RAB31: variants seen among roughly 807,000 people sequenced by gnomAD.
RAB31 encodes RAB31, member RAS oncogene family.
Under a neutral mutation model 25.6 loss-of-function variants are expected in RAB31, and 21 were observed. The ratio of observed to expected loss-of-function variants is 0.82; its 90% CI spans 0.58 to 1.18. The LOEUF is 1.18. RAB31 is among the 50% of genes most tolerant of loss of function. The pLI, the probability that RAB31 is intolerant of heterozygous loss-of-function variation, is 0.00. For missense variants in RAB31, 196 were observed against 250.1 expected (o/e 0.78, Z 1.46); for synonymous variants, 87 against 84.0 (o/e 1.04, Z -0.20).
At chr18:9,853,853 T>A (rs1599068606) in intron 6 of RAB31, among the ~76,000 whole-genome samples, 1 of 149,554 alleles carries the variant, frequency 6.7e-6, no homozygotes, top group African/African-American at 2.5e-5. Context: ...GCTCAAAAAA[T>A]AAATAAATAA....
At chr18:9,730,391 A>G (rs2068117000) in intron 1 of RAB31, among the ~76,000 whole-genome samples, 1 of 151,488 alleles carries the variant, frequency 6.6e-6, no homozygotes, top group East Asian at 1.9e-4. Flanking sequence ...GGCTCAGACA[A>G]TTCTCCCGTC....
At chr18:9,802,641 C>T (rs1288754260) in intron 3 of RAB31, among the ~76,000 whole-genome samples, 3 of 152,236 alleles carry the variant, frequency 2.0e-5, no homozygotes, top group African/African-American at 7.2e-5. Context: ...TTCAGCCATA[C>T]CGCTTGTTCA....
At chr18:9,834,068 C>A (rs1276293261) in intron 5 of RAB31, among the ~76,000 whole-genome samples, 1 of 152,144 alleles carries the variant, frequency 6.6e-6, no homozygotes, top group Non-Finnish European at 1.5e-5. Context: ...ACACATTGAA[C>A]AAATTATATA....
Position 9,708,330 on chromosome 18 carries a change from A to C in RAB31, c.-76A>C. On this transcript the variant is annotated 5_prime_UTR_variant, in exon 1 of 7. Coordinates refer to ENST00000578921, the MANE Select transcript of RAB31 (RefSeq NM_006868.4). The surrounding 1 kb of genome is among the most constrained non-coding windows in gnomAD (Gnocchi z 6.4). ...GCGGCGCGAGCGAGGGGCAGAGGCGAGAGACGCCGGCGGGGCGCGGGCGCG... is the reference window on the plus strand; with the variant it reads ...GCGGCGCGAGCGAGGGGCAGAGGCGCGAGACGCCGGCGGGGCGCGGGCGCG... 8.2e-7 allele frequency: 1 copy of C among 1,213,450 alleles called. No individual in the cohort carries two copies. The highest frequency in any genetic ancestry group is 1.1e-6 in the Non-Finnish European group (1 of 909,008). 75.2% of individuals were successfully genotyped at this position (1,213,450 alleles called of 1,614,324 possible). A position where few individuals can be genotyped will look rare whatever the true frequency, so the allele number is the denominator to read the frequency against.
At chr18:9,852,111 T>TA (rs2068792187) in intron 6 of RAB31, among the ~76,000 whole-genome samples, 1 of 152,158 alleles carries the variant, frequency 6.6e-6, no homozygotes, top group Non-Finnish European at 1.5e-5. Context: ...ATTTCAAACA[T>TA]ATACACAAGT....
intron 6 of RAB31, among the ~76,000 whole-genome samples, chr18:9,850,739 A>G (rs2068785089): frequency 6.6e-6 from 1 of 152,158 alleles, no homozygotes; most frequent in African/African-American, 2.4e-5. Context: ...GGCGGTGTGC[A>G]CCTGTAGTCC....
chr18:9,773,835 T>G lies in RAB31; in HGVS notation c.40-1443T>G, dbSNP rs2068358121. Among the ~76,000 whole-genome samples the G allele has an allele frequency of 2.0e-5, 3 of 152,020 alleles. No individual in the cohort carries two copies. In the South Asian group the frequency reaches 6.2e-4, roughly 32 times the overall value. ...CGCCACACCCGGCTAATTTTTACAT[T>G]TTTTTGTAGAGTCAGGGGTCTTGCT... is the stretch of plus-strand genomic sequence containing the variant. On this transcript the variant is annotated intron_variant, in intron 1 of 6. Coordinates refer to ENST00000578921, the MANE Select transcript of RAB31 (RefSeq NM_006868.4).
chr18:9,854,437 C>T (rs1439253845), intron 6 of RAB31, among the ~76,000 whole-genome samples: 3 of 152,168 alleles, frequency 2.0e-5, no homozygotes, highest in East Asian at 3.9e-4. Flanking sequence ...TTGACTCTCC[C>T]GCCTCCAGGC....
At chr18:9,849,146 G>A (rs1256243142) in intron 6 of RAB31, among the ~76,000 whole-genome samples, 1 of 151,430 alleles carries the variant, frequency 6.6e-6, no homozygotes, top group Non-Finnish European at 1.5e-5. Flanking sequence ...TTTTTCCTTG[G>A]GTTCTTACAC....
intron 1 of RAB31, among the ~76,000 whole-genome samples, chr18:9,767,798 C>T (rs754279479): frequency 1.3e-5 from 2 of 152,032 alleles, no homozygotes; most frequent in South Asian, 2.1e-4. Flanking sequence ...AATACACGTG[C>T]CATGGTGGTT....
At chr18:9,764,487 A>G (rs760025509) in intron 1 of RAB31, among the ~76,000 whole-genome samples, 1 of 152,128 alleles carries the variant, frequency 6.6e-6, no homozygotes, top group South Asian at 2.1e-4. Flanking sequence ...GGGAGAATCC[A>G]TGTTTTCCTT....
intron 6 of RAB31, among the ~76,000 whole-genome samples, chr18:9,852,651 A>AT: frequency 6.6e-6 from 1 of 151,372 alleles, no homozygotes; most frequent in East Asian, 1.9e-4. Flanking sequence ...TTATTAATCT[A>AT]TTCACCTAGC....
At chr18:9,832,186 G>T (rs780273898) in intron 5 of RAB31, among the ~76,000 whole-genome samples, 3 of 152,200 alleles carry the variant, frequency 2.0e-5, no homozygotes, top group African/African-American at 7.2e-5. Flanking sequence ...TGAGGTCCAC[G>T]GAAAGGCCAG....
Position 9,753,811 on chromosome 18 carries a change from C to G in RAB31, c.40-21467C>G, listed in dbSNP as rs573389141. Among the ~76,000 whole-genome samples the G allele has an allele frequency of 3.9e-5, 6 of 152,232 alleles. 1 individual carries two copies. The highest frequency in any genetic ancestry group is 1.4e-4 in the African/African-American group (6 of 41,562). The stretch of plus-strand genomic sequence containing the variant: ...TGTAAAATGGGAACGATGATACCTC[C>G]CAGAGTCATCAGAAGATCAAATACA... On this transcript the variant is annotated intron_variant, in intron 1 of 6. Transcript: ENST00000578921.
intron 1 of RAB31, among the ~76,000 whole-genome samples, chr18:9,770,780 A>C (rs551494663): frequency 6.6e-6 from 1 of 151,786 alleles, no homozygotes; most frequent in Non-Finnish European, 1.5e-5. Context: ...CTGTCAGGCT[A>C]TGAGTAACTT....
chr18:9,818,245 C>G (rs2068608795), intron 5 of RAB31, among the ~76,000 whole-genome samples: 1 of 152,124 alleles, frequency 6.6e-6, no homozygotes, highest in East Asian at 1.9e-4. Context: ...TCACGGTCAC[C>G]TGTTTTAAGT....
chr18:9,773,701 C>T (rs1252122502), intron 1 of RAB31, among the ~76,000 whole-genome samples: 1 of 152,046 alleles, frequency 6.6e-6, no homozygotes, highest in Non-Finnish European at 1.5e-5. Context: ...ACTCTGTCAC[C>T]CAGGCTGAGT....
At position 9,708,451 on chromosome 18, in the gene RAB31, C is replaced by G; in HGVS notation, c.39+7C>G. 1 of 1,563,384 alleles carries G rather than the reference C, an allele frequency of 6.4e-7. No homozygotes were observed. ...CAAAGTGTGCCTTCTCGGGGTGAGTCCTGGCCGCCACCCGCCGGCGGACCC... is the reference window on the plus strand; with the variant it reads ...CAAAGTGTGCCTTCTCGGGGTGAGTGCTGGCCGCCACCCGCCGGCGGACCC... On this transcript the variant is annotated splice_region_variant and intron_variant, in intron 1 of 6. Coordinates refer to ENST00000578921, the MANE Select transcript of RAB31 (RefSeq NM_006868.4). The surrounding 1 kb of genome is among the most constrained non-coding windows in gnomAD (Gnocchi z 6.4).
intron 1 of RAB31, chr18:9,722,666 G>C (rs1255044603): frequency 6.6e-6 from 1 of 152,196 alleles, no homozygotes; most frequent in East Asian, 1.9e-4. Flanking sequence ...CCATGAGATT[G>C]TTTTTCCCCT....
Sources: allele counts gnomAD v4.1 joint callset (sites outside exome capture counted in the v4.1 genomes callset), GRCh38; gene constraint gnomAD v4.1.1; non-coding constraint Gnocchi (gnomAD v3.1); transcripts MANE v1.5; gene names NCBI Gene and HGNC (gene_info 2026-07-23, HGNC 2026-07-21).